TENM2: variants seen among roughly 807,000 people sequenced by gnomAD.
TENM2 encodes the protein teneurin transmembrane protein 2, also known as teneurin-2.
Under a neutral mutation model 245.2 loss-of-function variants are expected in TENM2, and 52 were observed. The ratio of observed to expected loss-of-function variants is 0.21; its 90% CI spans 0.17 to 0.27. TENM2 has a LOEUF of 0.27. Among genes scored for constraint, TENM2 ranks in the 10% least tolerant of loss-of-function variants. TENM2 has a pLI of 1.00. For missense variants in TENM2, 3,046 were observed against 3,666.8 expected, an observed-to-expected ratio of 0.83 and a Z score of 4.37; for synonymous variants, 1,363 against 1,438.9, an observed-to-expected ratio of 0.95 and a Z score of 1.19.
intron 13 of TENM2, among the ~76,000 whole-genome samples, chr5:168,182,634 G>GGGGCA (rs1415679872): frequency 2.0e-5 from 3 of 152,198 alleles, no homozygotes; most frequent in African/African-American, 7.2e-5. Flanking sequence ...CTGGGCAAAT[G>GGGGCA]GGGCAGGGCA....
exon 29 of TENM2, chr5:168,262,708 G>C: frequency 1.2e-6 from 2 of 1,611,206 alleles, no homozygotes; most frequent in Non-Finnish European, 1.7e-6. Context: ...GCGTGCAAGG[G>C]TACGAGGGAT....
chr5:168,151,883 C>G (rs967270569), intron 12 of TENM2, among the ~76,000 whole-genome samples: 2 of 152,250 alleles, frequency 1.3e-5, no homozygotes, highest in Non-Finnish European at 2.9e-5. Context: ...CTAGTCCTCA[C>G]TCCCTGTTTT....
rs1307447250 is a variant in TENM2 at position 167,822,006 on chromosome 5, TTTTG to T, written c.503-53968_503-53965del. Among the ~76,000 whole-genome samples, 9 of 152,048 alleles carry T rather than the reference TTTTG, an allele frequency of 5.9e-5. No individual in the cohort carries two copies. In the South Asian group the frequency reaches 1.0e-3, roughly 18 times the overall value. On this transcript the variant is annotated intron_variant, in intron 2 of 28. Coordinates refer to ENST00000518659, the Ensembl canonical transcript of TENM2. ...TTCATGGATAAAGGCGAAACAGGGT[TTTTG>T]TTTGTTTGTTTTTTCATTTTGTTTT...
intron 2 of TENM2, among the ~76,000 whole-genome samples, chr5:167,694,145 A>G (rs1394312779): frequency 6.6e-6 from 1 of 151,922 alleles, no homozygotes; most frequent in Non-Finnish European, 1.5e-5. Flanking sequence ...TATTCACTCT[A>G]CCTCCTCTGC....
intron 7 of TENM2, among the ~76,000 whole-genome samples, chr5:168,068,353 G>A (rs1457177557): frequency 6.6e-6 from 1 of 152,140 alleles, no homozygotes; most frequent in Non-Finnish European, 1.5e-5. Context: ...GGAGAGTCTT[G>A]GAGGTGCTGT....
At chr5:167,295,721 G>A (rs75310830) in intron 1 of TENM2, among the ~76,000 whole-genome samples, 145 of 152,082 alleles carry the variant, frequency 9.5e-4, no homozygotes, top group African/African-American at 3.0e-3. Context: ...GCGTGTACTC[G>A]AAATGAATAC....
At chr5:167,312,605 A>G (rs1756103687) in intron 1 of TENM2, among the ~76,000 whole-genome samples, 1 of 152,200 alleles carries the variant, frequency 6.6e-6, no homozygotes, top group Non-Finnish European at 1.5e-5. Flanking sequence ...CGAACAAAAA[A>G]AAGAAATGAT....
At chr5:168,066,291 A>G (rs1031156942) in intron 7 of TENM2, among the ~76,000 whole-genome samples, 1 of 152,184 alleles carries the variant, frequency 6.6e-6, no homozygotes, top group South Asian at 2.1e-4. Flanking sequence ...CACTTCTTAT[A>G]TCAACCAAAG....
chr5:167,572,012 C>A (rs1183563197), intron 2 of TENM2, among the ~76,000 whole-genome samples: 2 of 152,218 alleles, frequency 1.3e-5, no homozygotes, highest in South Asian at 2.1e-4. Context: ...TGAGCACTCT[C>A]TGTTCTCTGG....
intron 3 of TENM2, among the ~76,000 whole-genome samples, chr5:167,930,999 A>G (rs1251955111): frequency 6.6e-6 from 1 of 152,166 alleles, no homozygotes; most frequent in Non-Finnish European, 1.5e-5. Flanking sequence ...AATTCTTACA[A>G]AAAAGCAGAA....
At chr5:167,472,514 G>T (rs963989933) in intron 2 of TENM2, among the ~76,000 whole-genome samples, 1 of 152,074 alleles carries the variant, frequency 6.6e-6, no homozygotes, top group Non-Finnish European at 1.5e-5. Context: ...GCCTAAAATT[G>T]GCTGGTTTGC....
the TENM2 span, among the ~76,000 whole-genome samples, chr5:167,019,760 G>A: frequency 2.0e-5 from 3 of 152,110 alleles, no homozygotes; most frequent in East Asian, 1.9e-4. Flanking sequence ...GTGAGCCACC[G>A]TGCCCAGCCA....
chr5:167,112,854 T>C, the TENM2 span, among the ~76,000 whole-genome samples: 3 of 152,196 alleles, frequency 2.0e-5, no homozygotes, highest in Non-Finnish European at 4.4e-5. Context: ...AGTAGAGGTG[T>C]GGCATCAAGA....
the TENM2 span, among the ~76,000 whole-genome samples, chr5:167,110,572 G>T: frequency 6.6e-6 from 1 of 152,288 alleles, no homozygotes; most frequent in South Asian, 2.1e-4. Context: ...TGTATTCCTA[G>T]AATATACAGT....
chr5:167,310,063 G>GT (rs143320547), intron 1 of TENM2, among the ~76,000 whole-genome samples: 5,252 of 151,990 alleles, frequency 0.035, 285 homozygotes, highest in African/African-American at 0.12. Flanking sequence ...ACTAAAGCGC[G>GT]TATCTGTGAA....
the TENM2 span, among the ~76,000 whole-genome samples, chr5:167,207,359 A>C: frequency 1.3e-5 from 2 of 152,220 alleles, no homozygotes; most frequent in African/African-American, 4.8e-5. Flanking sequence ...GTTCCGGCCA[A>C]TTGTTGCCTT....
At chr5:167,920,275 T>C (rs866630732) in intron 3 of TENM2, among the ~76,000 whole-genome samples, 2 of 150,188 alleles carry the variant, frequency 1.3e-5, no homozygotes, top group South Asian at 4.2e-4. Context: ...GTGGATCATC[T>C]GAGGTCAGGA....
rs146926506 is a variant in TENM2 at position 167,882,460 on chromosome 5, A to G, written c.712+6265A>G. On this transcript the variant is annotated intron_variant, in intron 3 of 28. Coordinates refer to ENST00000518659, the Ensembl canonical transcript of TENM2. ...TTCACAGCATGATTTTTGTCAAGTC[A>G]TTCAATCATTGTATTAGTCTGTTCT... Among the ~76,000 whole-genome samples the G allele has an allele frequency of 3.0e-3, 463 of 152,340 alleles. 1 individual carries two copies. The highest frequency in any genetic ancestry group is 0.011 in the African/African-American group (446 of 41,576).
chr5:168,239,788 CAT>C (rs1765922788), intron 25 of TENM2, among the ~76,000 whole-genome samples: 1 of 152,148 alleles, frequency 6.6e-6, no homozygotes, highest in Non-Finnish European at 1.5e-5. Context: ...TCTATACACA[CAT>C]ATGATTATAT....
Sources: gnomAD v4.1 joint callset for allele counts (sites outside exome capture counted in the v4.1 genomes callset) on GRCh38, gnomAD v4.1.1 for gene constraint, MANE v1.5 for transcripts, NCBI Gene and HGNC (gene_info 2026-07-23, HGNC 2026-07-21) for gene names.